Variants in ZNF44 observed in about 807,000 individuals in gnomAD.
The protein encoded by ZNF44 is gonadotropin inducible transcription repressor-2.
In ZNF44, 9 loss-of-function variants were observed where a neutral mutation model predicts 11.7. That is an observed-to-expected ratio of 0.77 (90% CI 0.46 to 1.35). ZNF44 has a LOEUF of 1.35. ZNF44 is among the 40% of genes most tolerant of loss of function. ZNF44 has a pLI of 0.00. For missense variants in ZNF44, 696 were observed against 743.1 expected (o/e 0.94, Z 0.74); for synonymous variants, 224 against 242.7 (o/e 0.92, Z 0.72).
downstream of ZNF44, among the ~76,000 whole-genome samples, chr19:12,268,079 C>T (rs187799492): frequency 6.6e-6 from 1 of 151,200 alleles, no homozygotes; most frequent in Non-Finnish European, 1.5e-5. Flanking sequence ...TCAGGTGATC[C>T]GCCTGCCTCG....
In ZNF44 at chr19:12,248,215, G is replaced by A. The variant is rs561812985; in HGVS notation, c.*650C>T. ...CATTTGTAGGGTTTCTCTCCAGTATGAGCCTTTTCATGTTTTTGAGCAGAT... is the reference window on the plus strand; with the variant it reads ...CATTTGTAGGGTTTCTCTCCAGTATAAGCCTTTTCATGTTTTTGAGCAGAT... On this transcript the variant is annotated 3_prime_UTR_variant and NMD_transcript_variant, in exon 8 of 8. Transcript: ENST00000393337. 5.3e-5 allele frequency: 69 copies of A among 1,306,942 alleles called. 1 individual carries two copies. The South Asian group carries it at 5.8e-4, about 11-fold the overall frequency. The allele number at this position is 1,306,942 out of a possible 1,614,324, so 81.0% of individuals were successfully genotyped here.
At chr19:12,250,770 C>T (rs1916959401) in intron 5 of ZNF44, 1 of 456,152 alleles carries the variant, frequency 2.2e-6, no homozygotes, top group African/African-American at 2.0e-5. Flanking sequence ...TAAAAGCACA[C>T]TGAAGAACTA....
At chr19:12,284,206 G>A (rs993706139) in intron 1 of ZNF44, 11 of 254,766 alleles carry the variant, frequency 4.3e-5, no homozygotes, top group East Asian at 1.8e-4. Flanking sequence ...CCACAAAGGC[G>A]GTATGTTCAA....
chr19:12,254,707 C>G (rs569987931), intron 5 of ZNF44, among the ~76,000 whole-genome samples: 1 of 151,922 alleles, frequency 6.6e-6, no homozygotes, highest in African/African-American at 2.4e-5. Context: ...TGCACTCCAG[C>G]CTGGGCGACA....
intron 5 of ZNF44, among the ~76,000 whole-genome samples, chr19:12,255,635 G>A (rs1244684777): frequency 1.3e-5 from 2 of 152,148 alleles, no homozygotes; most frequent in Non-Finnish European, 2.9e-5. Context: ...CTCTCACACA[G>A]CATTTCTATT....
At chr19:12,225,373 C>G (rs1276189744), downstream of ZNF44, 1 of 152,198 alleles carries the variant, frequency 6.6e-6, no homozygotes, top group Non-Finnish European at 1.5e-5. Flanking sequence ...CCCATGCTAT[C>G]TATGATTTTG....
intron 5 of ZNF44, among the ~76,000 whole-genome samples, chr19:12,264,992 C>T (rs1917669312): frequency 6.6e-6 from 1 of 152,002 alleles, no homozygotes; most frequent in Non-Finnish European, 1.5e-5. Context: ...GTCACTGTGC[C>T]CAGCCAGAAG....
At chr19:12,276,436 C>T (rs1169291834) in intron 1 of ZNF44, among the ~76,000 whole-genome samples, 1 of 152,158 alleles carries the variant, frequency 6.6e-6, no homozygotes, top group African/African-American at 2.4e-5. Flanking sequence ...ATTAGCAGTC[C>T]TGAGACGGCA....
At chr19:12,238,489 G>C (rs946657021), upstream of ZNF44, among the ~76,000 whole-genome samples, 2 of 151,776 alleles carry the variant, frequency 1.3e-5, no homozygotes, top group African/African-American at 4.8e-5. Flanking sequence ...TCAGCTGGGC[G>C]TGGTGGCACG....
upstream of ZNF44, among the ~76,000 whole-genome samples, chr19:12,241,352 T>C (rs1024178514): frequency 6.6e-6 from 1 of 152,114 alleles, no homozygotes; most frequent in Admixed American, 6.6e-5. Context: ...TACATGAACA[T>C]AGAAAACCCT....
At chr19:12,274,159 C>T (rs942640345) in intron 3 of ZNF44, 96 bp from the exon 4 acceptor site, 1 of 1,104,346 alleles carries the variant, frequency 9.1e-7, no homozygotes, top group African/African-American at 1.6e-5. Context: ...ATCAGGCAAG[C>T]TATAAGCTTC....
chr19:12,269,247 G>C (rs958085706), downstream of ZNF44, among the ~76,000 whole-genome samples: 2 of 152,132 alleles, frequency 1.3e-5, no homozygotes, highest in Non-Finnish European at 2.9e-5. Flanking sequence ...AAAGAAGGCC[G>C]GGCACAGTGG....
At chr19:12,233,071 A>C (rs1916227378) in intron 2 of ZNF44, among the ~76,000 whole-genome samples, 2 of 152,250 alleles carry the variant, frequency 1.3e-5, no homozygotes, top group South Asian at 4.1e-4. Context: ...CAGCATGACC[A>C]TAAACCACAA....
chr19:12,275,343 T>G (rs530857876), intron 2 of ZNF44, among the ~76,000 whole-genome samples: 17 of 152,294 alleles, frequency 1.1e-4, no homozygotes, highest in African/African-American at 3.8e-4. Flanking sequence ...CTTAAGATTT[T>G]CTTATTAATA....
intron 1 of ZNF44, among the ~76,000 whole-genome samples, chr19:12,281,318 CA>C (rs1395675743): frequency 6.6e-6 from 1 of 152,070 alleles, no homozygotes; most frequent in African/African-American, 2.4e-5. Flanking sequence ...ATTGAAGCCA[CA>C]AACTTCTCAA....
At chr19:12,270,781 G>T (rs1966925259), downstream of ZNF44, among the ~76,000 whole-genome samples, 1 of 152,024 alleles carries the variant, frequency 6.6e-6, no homozygotes, top group South Asian at 2.1e-4. Context: ...AATTTATGTT[G>T]CCTTGATTCT....
At chr19:12,268,317 T>A (rs1026763694), downstream of ZNF44, among the ~76,000 whole-genome samples, 6 of 152,212 alleles carry the variant, frequency 3.9e-5, no homozygotes, top group Non-Finnish European at 8.8e-5. Flanking sequence ...TTTCTGCAGG[T>A]TAATATCCAG....
chr19:12,273,859 C>A lies in ZNF44; in HGVS notation c.396G>T (p.Glu132Asp), dbSNP rs777245958. The A allele has an allele frequency of 1.6e-5, 26 of 1,614,180 alleles. No individual in the cohort carries two copies. The highest frequency in any genetic ancestry group is 1.9e-5 in the Non-Finnish European group (22 of 1,180,032). ...IRVDTGHKHR[E>D]CHEYAEKSYT... ...ATGACTTCTCTGCATATTCATGACA[C>A]TCCCGGTGTTTGTGTCCAGTATCAA... Residue 132 changes from glutamate (E) to aspartate (D), a missense_variant, in exon 4 of 4, where the codon GAG (glutamate) becomes GAT (aspartate). By Grantham distance (45) the Glu-to-Asp change is conservative. Transcript: ENST00000355684.
intron 3 of ZNF44, among the ~76,000 whole-genome samples, chr19:12,228,835 T>G (rs1004348917): frequency 1.3e-5 from 2 of 152,200 alleles, no homozygotes; most frequent in African/African-American, 4.8e-5. Flanking sequence ...TAAACCAATA[T>G]TAATGTTTCA....
Sources: allele counts gnomAD v4.1 joint callset (sites outside exome capture counted in the v4.1 genomes callset), GRCh38; gene constraint gnomAD v4.1.1; transcripts MANE v1.5; gene names NCBI Gene and HGNC (gene_info 2026-07-23, HGNC 2026-07-21).